Variants in AGTRAP observed in about 807,000 individuals in gnomAD.
AGTRAP encodes type-1 angiotensin II receptor-associated protein.
AGTRAP carries 7 observed loss-of-function variants against 15.2 expected under a neutral mutation model. That is an observed-to-expected ratio of 0.46 (90% CI 0.26 to 0.87). The LOEUF is 0.87. AGTRAP is among the 40% of genes least tolerant of loss of function. The pLI, the probability that AGTRAP is intolerant of heterozygous loss-of-function variation, is 0.15. For missense variants in AGTRAP, 187 were observed against 213.4 expected (o/e 0.88, Z 0.77); for synonymous variants, 74 against 89.6 (o/e 0.83, Z 0.98).
intron 1 of AGTRAP, among the ~76,000 whole-genome samples, chr1:11,739,747 A>G (rs1014779370): frequency 2.6e-5 from 4 of 152,218 alleles, no homozygotes; most frequent in Non-Finnish European, 4.4e-5. Context: ...GCTTGTCAGT[A>G]GCAGGAGTTG....
At chr1:11,744,397 G>T in intron 1 of AGTRAP, 1 of 567,628 alleles carries the variant, frequency 1.8e-6, no homozygotes, top group South Asian at 2.2e-5. Context: ...AAGTCTCAGT[G>T]GTGTCCCTCG....
At chr1:11,739,587 A>G (rs1173957803) in intron 1 of AGTRAP, among the ~76,000 whole-genome samples, 1 of 152,184 alleles carries the variant, frequency 6.6e-6, no homozygotes, top group East Asian at 1.9e-4. Context: ...GGATAGATTG[A>G]TTCTGACATT....
intron 1 of AGTRAP, among the ~76,000 whole-genome samples, chr1:11,743,461 G>C (rs1205457772): frequency 6.6e-6 from 1 of 151,834 alleles, no homozygotes; most frequent in African/African-American, 2.4e-5. Context: ...AGCCAGGCTG[G>C]TCTCGAACTC....
At chr1:11,737,032 C>A (rs187000498) in intron 1 of AGTRAP, among the ~76,000 whole-genome samples, 30 of 152,330 alleles carry the variant, frequency 2.0e-4, no homozygotes, top group African/African-American at 6.7e-4. Flanking sequence ...AGTGCAGCCT[C>A]CTTTGAGGCA....
rs760195806 is a variant in AGTRAP, at chr1:11,747,468, G to A, written c.91G>A (p.Ala31Thr). The stretch of plus-strand genomic sequence containing the variant: ...CTGCATTGTATTCTCAGGCTCCTAT[G>A]CCTGGGCCAACTTCACCATCCTGGC... ...WGCIVFSGSY[A>T]WANFTILALG... The change falls in exon 3 of 5, where the codon GCC becomes ACC. Residue 31 changes from alanine (A) to threonine (T), a missense_variant. Coordinates refer to ENST00000314340, the MANE Select transcript of AGTRAP (RefSeq NM_020350.5). 4.3e-6 allele frequency: 7 copies of A among 1,614,046 alleles called. No homozygotes were observed. In the African/African-American group the frequency reaches 9.3e-5, roughly 22 times the overall value.
In AGTRAP at chr1:11,750,322, C is replaced by T; in HGVS notation, c.*130C>T. On this transcript the variant is annotated 3_prime_UTR_variant, in exon 5 of 5. Coordinates refer to ENST00000314340, the MANE Select transcript of AGTRAP (RefSeq NM_020350.5). ...GTCCCCAGCTCAGGGATTGCCTGAA[C>T]CAAGAGGCCAGGAGCCCCCATGGGC... 1.1e-6 allele frequency: 1 copy of T among 884,756 alleles called. No homozygotes were observed. Among genetic ancestry groups the T allele is most frequent in the Non-Finnish European group, 1.8e-6 (1 of 553,362 alleles). The allele number at this position is 884,756 out of a possible 1,614,324, so 54.8% of individuals were successfully genotyped here.
intron 4 of AGTRAP, among the ~76,000 whole-genome samples, chr1:11,749,200 C>G (rs527690536): frequency 6.6e-6 from 1 of 152,388 alleles, no homozygotes; most frequent in Admixed American, 6.5e-5. Flanking sequence ...TCCTGTACTC[C>G]TTCTCCTGGT....
chr1:11,745,684 A>T lies in AGTRAP; in HGVS notation c.28-119A>T. The T allele has an allele frequency of 1.9e-6, 2 of 1,059,872 alleles. No homozygotes were observed. The highest frequency in any genetic ancestry group is 2.9e-6 in the Non-Finnish European group (2 of 681,514). 65.7% of individuals were successfully genotyped at this position (1,059,872 alleles called of 1,614,324 possible). A position where few individuals can be genotyped will look rare whatever the true frequency, so the allele number is the denominator to read the frequency against. On this transcript the variant is annotated intron_variant, in intron 1 of 4. Coordinates refer to ENST00000314340, the MANE Select transcript of AGTRAP (RefSeq NM_020350.5). The surrounding 1 kb of genome is among the most constrained non-coding windows in gnomAD (Gnocchi z 4.2). ...CTGGTGTGCCTTTTCAACAGACATTACTGAGGCCCTCAGAGGTGCCAGGCG... is the reference window on the plus strand; with the variant it reads ...CTGGTGTGCCTTTTCAACAGACATTTCTGAGGCCCTCAGAGGTGCCAGGCG...
chr1:11,740,656 G>GC (rs753587125), intron 1 of AGTRAP, among the ~76,000 whole-genome samples: 3 of 152,228 alleles, frequency 2.0e-5, no homozygotes, highest in East Asian at 3.9e-4. Flanking sequence ...CGGATCAGAG[G>GC]CCCCCCTGGG....
intron 1 of AGTRAP, among the ~76,000 whole-genome samples, chr1:11,740,081 G>T (rs1641992612): frequency 6.6e-6 from 1 of 152,188 alleles, no homozygotes; most frequent in African/African-American, 2.4e-5. Context: ...CGTCCTTCCT[G>T]CCCAGCTGGG....
Position 11,739,924 on chromosome 1 carries a change from T to C in AGTRAP, c.27+3689T>C, listed in dbSNP as rs117093171. 5.8e-3 allele frequency among the ~76,000 whole-genome samples: 877 copies of C among 152,334 alleles called. 23 individuals carry two copies. The highest frequency in any genetic ancestry group is 0.046 in the East Asian group (236 of 5,184). ...TTTCGCAGAAAGGAGCCTGAGGCCT[T>C]GGCGCCTGGACCAGCACCCAGGTTT... On this transcript the variant is annotated intron_variant, in intron 1 of 4. Coordinates refer to ENST00000314340, the MANE Select transcript of AGTRAP (RefSeq NM_020350.5).
chr1:11,748,454 G>C lies in AGTRAP; in HGVS notation c.208G>C (p.Val70Leu). The C allele has an allele frequency of 6.2e-7, 1 of 1,613,886 alleles. No homozygotes were observed. Among genetic ancestry groups the C allele is most frequent in the Middle Eastern group, 1.7e-4 (1 of 6,060 alleles). Residue 70 changes from valine (V) to leucine (L), a missense_variant, in exon 4 of 5, where the codon GTG (valine) becomes CTG (leucine). Physicochemically the swap from Val to Leu is conservative, Grantham distance 32. Coordinates refer to ENST00000314340, the MANE Select transcript of AGTRAP (RefSeq NM_020350.5). ...GLLATIFLDI[V>L]HISIFYPRVS... ...GCTGGCCACCATCTTCCTGGACATC[G>C]TGCACATCAGCATCTTCTACCCGCG...
intron 1 of AGTRAP, among the ~76,000 whole-genome samples, chr1:11,744,369 A>G (rs1642109009): frequency 6.6e-6 from 1 of 152,190 alleles, no homozygotes; most frequent in Non-Finnish European, 1.5e-5. Flanking sequence ...AGGCATACCA[A>G]GCTATCTCCC....
chr1:11,749,511 G>A (rs139934897), intron 4 of AGTRAP, among the ~76,000 whole-genome samples: 38 of 152,354 alleles, frequency 2.5e-4, no homozygotes, highest in Admixed American at 1.2e-3. Context: ...TCAGGGTCCC[G>A]GGATGAATGT....
At chr1:11,749,598 C>G (rs1218231725) in intron 4 of AGTRAP, among the ~76,000 whole-genome samples, 3 of 152,212 alleles carry the variant, frequency 2.0e-5, no homozygotes, top group Non-Finnish European at 4.4e-5. Flanking sequence ...GCCCCAGCCT[C>G]CGAGGCCATC....
intron 4 of AGTRAP, 73 bp downstream of exon 4, chr1:11,748,683 A>G: frequency 6.6e-7 from 1 of 1,525,256 alleles, no homozygotes; most frequent in Non-Finnish European, 8.8e-7. Flanking sequence ...CCTCTCCCTC[A>G]GTGAGCCAGC....
At chr1:11,741,497 G>A (rs767309954) in intron 1 of AGTRAP, among the ~76,000 whole-genome samples, 13 of 152,216 alleles carry the variant, frequency 8.5e-5, no homozygotes, top group Non-Finnish European at 1.6e-4. Flanking sequence ...AAATGTTTAA[G>A]AAACTTAACA....
In AGTRAP at chr1:11,750,106, G is replaced by A; in HGVS notation, c.394G>A (p.Ala132Thr). 2.5e-6 allele frequency: 4 copies of A among 1,614,026 alleles called. No individual in the cohort carries two copies. The highest frequency in any genetic ancestry group is 3.4e-6 in the Non-Finnish European group (4 of 1,179,998). The change falls in exon 5 of 5, where the codon GCC (alanine) becomes ACC (threonine). Residue 132 changes from alanine to threonine, a missense_variant. Ala to Thr is a moderately conservative substitution (Grantham distance 58, BLOSUM62 0). Transcript: ENST00000314340. ...GFLGSSQDRS[A>T]YQTIDSAEAP... is the part of the protein sequence containing the mutation. ...CCTTGGGTCTTCTCAGGACCGTAGT[G>A]CCTACCAGACGATTGACTCAGCAGA...
intron 4 of AGTRAP, among the ~76,000 whole-genome samples, chr1:11,749,264 C>G (rs1642254231): frequency 6.6e-6 from 1 of 152,260 alleles, no homozygotes; most frequent in Non-Finnish European, 1.5e-5. Context: ...CTTTCTCTCT[C>G]TCTTTGAGAG....
Sources: allele counts gnomAD v4.1 joint callset (sites outside exome capture counted in the v4.1 genomes callset), GRCh38; gene constraint gnomAD v4.1.1; non-coding constraint Gnocchi (gnomAD v3.1); transcripts MANE v1.5; gene names NCBI Gene and HGNC (gene_info 2026-07-23, HGNC 2026-07-21).